Variants in LSAMP observed in about 807,000 individuals in gnomAD.
The protein encoded by LSAMP is limbic system associated membrane protein.
In LSAMP, 7 loss-of-function variants were observed where a neutral mutation model predicts 38.6. The observed-to-expected ratio is 0.18, with a 90% CI of 0.10 to 0.34. The LOEUF is 0.34. Ranked by LOEUF, LSAMP falls within the 10% of genes least tolerant of loss-of-function variation. LSAMP has a pLI of 1.00. For synonymous variants in LSAMP, 154 were observed against 166.8 expected, an observed-to-expected ratio of 0.92 and a Z score of 0.59; for missense variants, 313 against 420.0, an observed-to-expected ratio of 0.75 and a Z score of 2.23.
At chr3:115,843,813 C>G (rs774570202) in intron 4 of LSAMP, among the ~76,000 whole-genome samples, 2 of 152,092 alleles carry the variant, frequency 1.3e-5, no homozygotes, top group Non-Finnish European at 2.9e-5. Context: ...CTGATTTTAT[C>G]TTCCCATAAG....
chr3:115,955,482 T>C (rs1015247016), intron 3 of LSAMP, among the ~76,000 whole-genome samples: 5 of 152,186 alleles, frequency 3.3e-5, no homozygotes, highest in Non-Finnish European at 2.9e-5. Context: ...GCACCTACTG[T>C]ATGCTAGACA....
At chr3:116,111,503 A>C (rs1400014868) in intron 1 of LSAMP, among the ~76,000 whole-genome samples, 1 of 152,226 alleles carries the variant, frequency 6.6e-6, no homozygotes, top group East Asian at 1.9e-4. Flanking sequence ...CACTTAATAA[A>C]TGTTAATTTC....
intron 3 of LSAMP, among the ~76,000 whole-genome samples, chr3:115,981,302 G>A (rs1330520917): frequency 6.6e-6 from 1 of 152,076 alleles, no homozygotes; most frequent in Non-Finnish European, 1.5e-5. Context: ...TTATTTCTCA[G>A]TCAAGTCCTT....
intron 1 of LSAMP, among the ~76,000 whole-genome samples, chr3:116,347,437 T>G (rs1313380280): frequency 6.6e-6 from 1 of 152,166 alleles, no homozygotes; most frequent in African/African-American, 2.4e-5. Flanking sequence ...ACTTAATGTG[T>G]GTATAGAGAA....
chr3:116,135,395 G>A (rs777796795), intron 1 of LSAMP, among the ~76,000 whole-genome samples: 1 of 152,154 alleles, frequency 6.6e-6, no homozygotes, highest in Non-Finnish European at 1.5e-5. Context: ...TTATTCAGAT[G>A]AGAAAATTTC....
intron 2 of LSAMP, among the ~76,000 whole-genome samples, chr3:116,068,300 T>C (rs1288439046): frequency 2.6e-5 from 4 of 152,222 alleles, no homozygotes; most frequent in Admixed American, 6.5e-5. Flanking sequence ...AAATGTGCTA[T>C]AAATCATTAT....
chr3:115,941,516 A>T (rs917919204), intron 3 of LSAMP, among the ~76,000 whole-genome samples: 2 of 152,108 alleles, frequency 1.3e-5, no homozygotes, highest in Admixed American at 1.3e-4. Flanking sequence ...ATATGGAAAC[A>T]GCTTAAATGT....
intron 6 of LSAMP, among the ~76,000 whole-genome samples, chr3:115,838,908 A>G (rs772424064): frequency 6.6e-6 from 1 of 151,946 alleles, no homozygotes; most frequent in African/African-American, 2.4e-5. Flanking sequence ...ATAATCGCCA[A>G]CTCTTCAGGG....
At chr3:116,247,141 A>G (rs370436306) in intron 1 of LSAMP, among the ~76,000 whole-genome samples, 6 of 152,220 alleles carry the variant, frequency 3.9e-5, no homozygotes, top group African/African-American at 1.4e-4. Context: ...AAGGTCACAG[A>G]ACTCTGATCT....
intron 2 of LSAMP, among the ~76,000 whole-genome samples, chr3:116,032,768 A>T (rs1281589852): frequency 6.6e-6 from 1 of 152,088 alleles, no homozygotes; most frequent in Non-Finnish European, 1.5e-5. Flanking sequence ...ATGCTACTGC[A>T]CTCCAGCCTG....
chr3:116,024,091 CTG>C (rs1940716250), intron 2 of LSAMP, among the ~76,000 whole-genome samples: 1 of 152,090 alleles, frequency 6.6e-6, no homozygotes, highest in Non-Finnish European at 1.5e-5. Context: ...AAATGCCGTG[CTG>C]TGTTCTCACC....
chr3:115,840,994 T>A (rs1297344930), intron 6 of LSAMP, among the ~76,000 whole-genome samples: 2 of 152,270 alleles, frequency 1.3e-5, no homozygotes, highest in Admixed American at 6.5e-5. Context: ...GTTATCATTT[T>A]CCTGTGACTC....
At chr3:115,996,548 A>C (rs772355510) in intron 3 of LSAMP, among the ~76,000 whole-genome samples, 33 of 152,266 alleles carry the variant, frequency 2.2e-4, no homozygotes, top group South Asian at 2.1e-4. Flanking sequence ...CAAATGATGT[A>C]AATTCAAAAT....
At chr3:116,156,870 C>G (rs1468243838) in intron 1 of LSAMP, among the ~76,000 whole-genome samples, 2 of 152,084 alleles carry the variant, frequency 1.3e-5, no homozygotes, top group African/African-American at 4.8e-5. Context: ...GGAGCATCAT[C>G]AGGTAGAGAA....
chr3:116,175,292 T>A (rs369608204), intron 1 of LSAMP, among the ~76,000 whole-genome samples: 3 of 152,098 alleles, frequency 2.0e-5, no homozygotes, highest in African/African-American at 7.2e-5. Context: ...CATATAATAG[T>A]TGTACATATT....
intron 3 of LSAMP, among the ~76,000 whole-genome samples, chr3:115,879,096 A>C (rs996839887): frequency 6.6e-6 from 1 of 152,162 alleles, no homozygotes; most frequent in Non-Finnish European, 1.5e-5. Flanking sequence ...CTGCAAGTTC[A>C]GTCAAGTTTA....
intron 1 of LSAMP, among the ~76,000 whole-genome samples, chr3:116,345,922 G>A (rs1187882577): frequency 4.6e-5 from 7 of 152,122 alleles, no homozygotes; most frequent in Non-Finnish European, 8.8e-5. Context: ...ATTACAGACT[G>A]CTTCCGACTA....
At chr3:116,408,947 C>T (rs936231983) in intron 1 of LSAMP, among the ~76,000 whole-genome samples, 8 of 152,004 alleles carry the variant, frequency 5.3e-5, no homozygotes, top group Non-Finnish European at 8.8e-5. Context: ...AGGAGATATA[C>T]GTTCTATTCC....
At chr3:116,110,916 G>C (rs890935681) in intron 1 of LSAMP, among the ~76,000 whole-genome samples, 2 of 152,234 alleles carry the variant, frequency 1.3e-5, no homozygotes, top group African/African-American at 4.8e-5. Flanking sequence ...AGGGAGGTAG[G>C]GGTGGGGCCG....
Sources: allele counts gnomAD v4.1 joint callset (sites outside exome capture counted in the v4.1 genomes callset), GRCh38; gene constraint gnomAD v4.1.1; transcripts MANE v1.5; gene names NCBI Gene and HGNC (gene_info 2026-07-23, HGNC 2026-07-21).